Variants in INPP4B observed in about 807,000 individuals in gnomAD.
INPP4B encodes inositol polyphosphate 4-phosphatase type II.
Under a neutral mutation model 122.5 loss-of-function variants are expected in INPP4B, and 55 were observed. The observed-to-expected ratio is 0.45, with a 90% CI of 0.36 to 0.56. The LOEUF (loss-of-function observed/expected upper bound fraction) is 0.56, where lower values mean the gene tolerates loss of function less well. INPP4B is among the 20% of genes least tolerant of loss of function. INPP4B has a pLI of 0.00. For missense variants in INPP4B, 1,000 were observed against 1,097.7 expected (o/e 0.91, Z 1.26); for synonymous variants, 403 against 388.7 (o/e 1.04, Z -0.43).
chr4:142,662,049 C>T (rs1399079682), intron 2 of INPP4B, among the ~76,000 whole-genome samples: 1 of 152,072 alleles, frequency 6.6e-6, no homozygotes, highest in Non-Finnish European at 1.5e-5. Flanking sequence ...CTTGCTAACA[C>T]AGTGAAACCC....
chr4:142,547,642 C>T (rs1726926507), intron 2 of INPP4B, among the ~76,000 whole-genome samples: 1 of 152,134 alleles, frequency 6.6e-6, no homozygotes, highest in South Asian at 2.1e-4. Flanking sequence ...GGTTAAGTGA[C>T]TTGGCTGAAG....
At chr4:142,086,483 G>C (rs1383703376) in intron 23 of INPP4B, among the ~76,000 whole-genome samples, 3 of 152,168 alleles carry the variant, frequency 2.0e-5, no homozygotes, top group Middle Eastern at 3.4e-3. Flanking sequence ...TGCCCAAAGT[G>C]GCTGGGATTA....
intron 12 of INPP4B, among the ~76,000 whole-genome samples, chr4:142,233,066 G>A (rs184845109): frequency 2.6e-5 from 4 of 152,300 alleles, no homozygotes; most frequent in African/African-American, 7.2e-5. Context: ...AGCAGCAAGC[G>A]CTGATGGAGG....
At chr4:142,215,354 T>G (rs1846663766) in intron 12 of INPP4B, among the ~76,000 whole-genome samples, 1 of 152,284 alleles carries the variant, frequency 6.6e-6, no homozygotes, top group Middle Eastern at 3.4e-3. Flanking sequence ...ACTTAATGAA[T>G]GTAGGTTGTG....
chr4:142,154,376 C>T (rs553890350), intron 17 of INPP4B, among the ~76,000 whole-genome samples: 3 of 152,228 alleles, frequency 2.0e-5, no homozygotes, highest in African/African-American at 7.2e-5. Flanking sequence ...TTCTGAAGGC[C>T]TTCATTAGTC....
intron 11 of INPP4B, among the ~76,000 whole-genome samples, chr4:142,252,956 C>T (rs144266555): frequency 1.3e-5 from 2 of 152,262 alleles, no homozygotes; most frequent in East Asian, 3.9e-4. Flanking sequence ...CTTACAGATA[C>T]CTAGATGGTA....
chr4:142,219,602 G>T (rs1848578388), intron 12 of INPP4B, among the ~76,000 whole-genome samples: 1 of 152,180 alleles, frequency 6.6e-6, no homozygotes. Flanking sequence ...AGTAGCCGTG[G>T]AAGTTATGAA....
intron 16 of INPP4B, 56 bp from the exon 17 acceptor site, chr4:142,160,617 C>T: frequency 7.4e-7 from 1 of 1,345,380 alleles, no homozygotes; most frequent in Non-Finnish European, 1.0e-6. Flanking sequence ...CAGCATAGAG[C>T]TGTGAAAAGG....
intron 19 of INPP4B, among the ~76,000 whole-genome samples, chr4:142,123,784 A>G (rs9985602): frequency 0.13 from 19,417 of 152,158 alleles, 1,423 homozygotes; most frequent in East Asian, 0.24. Flanking sequence ...AGGGTCATTA[A>G]AAGAACACAA....
At chr4:142,571,593 C>T (rs1358987706) in intron 2 of INPP4B, among the ~76,000 whole-genome samples, 1 of 152,062 alleles carries the variant, frequency 6.6e-6, no homozygotes, top group Admixed American at 6.6e-5. Context: ...CTTGCATAAG[C>T]AGCATAATTA....
intron 2 of INPP4B, among the ~76,000 whole-genome samples, chr4:142,466,299 G>A (rs1817767418): frequency 6.6e-6 from 1 of 152,180 alleles, no homozygotes; most frequent in African/African-American, 2.4e-5. Context: ...AACTTATTGG[G>A]AATCAGAATA....
intron 17 of INPP4B, among the ~76,000 whole-genome samples, chr4:142,153,316 C>T (rs541553021): frequency 6.6e-6 from 1 of 152,122 alleles, no homozygotes; most frequent in Non-Finnish European, 1.5e-5. Flanking sequence ...AGCCAACAGT[C>T]TACCTATATT....
intron 1 of INPP4B, chr4:142,795,460 G>T (rs529719355): frequency 2.2e-4 from 34 of 151,946 alleles, no homozygotes; most frequent in African/African-American, 5.1e-4. Context: ...ATAGTTTTTT[G>T]TTGTTGTTGT....
chr4:142,748,666 C>T (rs1219457204), intron 1 of INPP4B, among the ~76,000 whole-genome samples: 1 of 147,440 alleles, frequency 6.8e-6, no homozygotes, highest in African/African-American at 2.5e-5. Context: ...CAAACTGAAT[C>T]AGAAAAAAAA....
chr4:142,325,861 G>A (rs1255196040), intron 7 of INPP4B, among the ~76,000 whole-genome samples: 3 of 152,102 alleles, frequency 2.0e-5, no homozygotes, highest in African/African-American at 7.2e-5. Flanking sequence ...ATAATTCTGA[G>A]TATCCCTGCC....
intron 15 of INPP4B, among the ~76,000 whole-genome samples, chr4:142,182,596 C>T (rs926355276): frequency 3.4e-5 from 5 of 149,026 alleles, no homozygotes; most frequent in African/African-American, 1.0e-4. Context: ...AAAAACAGCA[C>T]GGACTCAACA....
intron 9 of INPP4B, among the ~76,000 whole-genome samples, chr4:142,282,540 G>A (rs1378662585): frequency 2.6e-5 from 4 of 152,146 alleles, no homozygotes; most frequent in Non-Finnish European, 4.4e-5. Flanking sequence ...CTGGAATGCA[G>A]TCTTAGAAAA....
At chr4:142,813,553 G>A (rs146832417) in intron 1 of INPP4B, among the ~76,000 whole-genome samples, 24 of 152,230 alleles carry the variant, frequency 1.6e-4, no homozygotes, top group African/African-American at 5.1e-4. Context: ...TTATTCAATG[G>A]AGCTTTGCTC....
intron 17 of INPP4B, among the ~76,000 whole-genome samples, chr4:142,155,353 A>G (rs1484764832): frequency 2.0e-5 from 3 of 152,112 alleles, no homozygotes; most frequent in African/African-American, 4.8e-5. Flanking sequence ...TTTTCTGTAG[A>G]CGTAATGTTT....
Sources: allele counts gnomAD v4.1 joint callset (sites outside exome capture counted in the v4.1 genomes callset), GRCh38; gene constraint gnomAD v4.1.1; transcripts MANE v1.5; gene names NCBI Gene and HGNC (gene_info 2026-07-23, HGNC 2026-07-21).